CGREF1: variants seen among roughly 807,000 people sequenced by gnomAD.
CGREF1 encodes the protein cell growth regulator with EF hand domain protein 1.
In CGREF1, 16 loss-of-function variants were observed where a neutral mutation model predicts 17.4. That is an observed-to-expected ratio of 0.92 (90% CI 0.62 to 1.40). The LOEUF is 1.40. Among genes scored for constraint, CGREF1 ranks in the 40% most tolerant of loss-of-function variants. CGREF1 has a pLI of 0.00. For synonymous variants in CGREF1, 142 were observed against 154.6 expected (o/e 0.92, Z 0.61); for missense variants, 296 against 376.4 (o/e 0.79, Z 1.77).
At chr2:27,115,797 G>A (rs1671544073) in intron 1 of CGREF1, among the ~76,000 whole-genome samples, 1 of 152,206 alleles carries the variant, frequency 6.6e-6, no homozygotes, top group African/African-American at 2.4e-5. Flanking sequence ...AGTTATTGGA[G>A]TCTCCTAAAA....
chr2:27,112,585 G>A (rs958706917), intron 1 of CGREF1, among the ~76,000 whole-genome samples: 4 of 152,222 alleles, frequency 2.6e-5, no homozygotes, highest in Admixed American at 6.5e-5. Flanking sequence ...CAACAATATC[G>A]TCTTGGGGAT....
intron 4 of CGREF1, 25 bp from the exon 5 acceptor site, chr2:27,102,246 G>C: frequency 6.2e-7 from 1 of 1,611,362 alleles, no homozygotes; most frequent in Non-Finnish European, 8.5e-7. Flanking sequence ...AGCTGGATTA[G>C]AAGAGGTGCC....
At chr2:27,108,441 T>G (rs1341207012) in intron 1 of CGREF1, among the ~76,000 whole-genome samples, 2 of 151,958 alleles carry the variant, frequency 1.3e-5, no homozygotes, top group Admixed American at 1.3e-4. Context: ...ATGGAGAAGA[T>G]AAGAGATACA....
intron 1 of CGREF1, among the ~76,000 whole-genome samples, chr2:27,107,500 A>G (rs898131966): frequency 6.6e-6 from 1 of 151,312 alleles, no homozygotes; most frequent in African/African-American, 2.4e-5. Context: ...TGATCTGCCC[A>G]CCTTGGCCTC....
chr2:27,100,149 G>A (rs1359752732), downstream of CGREF1: 1 of 516,214 alleles, frequency 1.9e-6, no homozygotes, highest in Non-Finnish European at 3.5e-6. Flanking sequence ...GCCCTGGCTG[G>A]GGAGGACACT....
chr2:27,116,923 C>CTTT (rs56355405), intron 1 of CGREF1, among the ~76,000 whole-genome samples: 5 of 53,048 alleles, frequency 9.4e-5, no homozygotes, highest in Admixed American at 2.7e-4. Flanking sequence ...CTCTCTCTCT[C>CTTT]TTTTTTTGAG....
intron 1 of CGREF1, among the ~76,000 whole-genome samples, chr2:27,109,978 G>GA (rs1671295138): frequency 7.1e-6 from 1 of 141,090 alleles, no homozygotes; most frequent in South Asian, 2.4e-4. Context: ...CAAACCAGTA[G>GA]AAAAAAATTA....
At position 27,101,614 on chromosome 2, in the gene CGREF1, T is replaced by TG. The variant is rs1387005004; in HGVS notation, c.616dup (p.Gln206ProfsTer10). The TG allele has an allele frequency of 6.2e-7, 1 of 1,613,992 alleles. No homozygotes were observed. The highest frequency in any genetic ancestry group is 8.5e-7 in the Non-Finnish European group (1 of 1,180,038). ...AGCCTCTGCCTGGCCCCCAGGCTCC[T>TG]GGACAGGATCCAAAGACTCCCTTCT... On this transcript the variant is annotated frameshift_variant, in exon 6 of 6. Coordinates refer to ENST00000402394, the MANE Select transcript of CGREF1 (RefSeq NM_006569.6). LOFTEE classifies it low-confidence loss of function (END_TRUNC).
At chr2:27,111,539 T>C (rs1317394171) in intron 1 of CGREF1, among the ~76,000 whole-genome samples, 1 of 152,168 alleles carries the variant, frequency 6.6e-6, no homozygotes. Flanking sequence ...GGGTGGTCGA[T>C]GGGACAGGGC....
At chr2:27,100,283 G>A, downstream of CGREF1, 1 of 456,618 alleles carries the variant, frequency 2.2e-6, no homozygotes. Flanking sequence ...TGAACTGACA[G>A]GCCAGTGGGG....
At chr2:27,104,190 C>T in intron 2 of CGREF1, 97 bp downstream of exon 2, 7 of 1,259,044 alleles carry the variant, frequency 5.6e-6, no homozygotes, top group Non-Finnish European at 7.6e-6. Context: ...AACCTACACC[C>T]CAGTCTCCTG....
chr2:27,112,678 AC>A (rs1363338940), intron 1 of CGREF1, among the ~76,000 whole-genome samples: 1 of 152,254 alleles, frequency 6.6e-6, no homozygotes, highest in African/African-American at 2.4e-5. Context: ...AATGTAAGCA[AC>A]CTGAATGTCT....
At position 27,100,915 on chromosome 2, in the gene CGREF1, G is replaced by A. The variant is rs1670782604; in HGVS notation, c.*359C>T. 3 of 1,094,018 alleles carry A rather than the reference G, an allele frequency of 2.7e-6. No individual in the cohort carries two copies. The South Asian group carries it at 8.9e-5, about 32-fold the overall frequency. The allele number at this position is 1,094,018 out of a possible 1,614,324, so 67.8% of individuals were successfully genotyped here. On this transcript the variant is annotated 3_prime_UTR_variant, in exon 6 of 6. Coordinates refer to ENST00000402394, the MANE Select transcript of CGREF1 (RefSeq NM_006569.6). ...GGGATAGACTGAGCTTTCCTCACTGGGTCCTCTGCAGCCGGCCATGGCTAG... is the reference window on the plus strand; with the variant it reads ...GGGATAGACTGAGCTTTCCTCACTGAGTCCTCTGCAGCCGGCCATGGCTAG...
At position 27,102,433 on chromosome 2, in the gene CGREF1, G is replaced by C. The variant is rs765715349; in HGVS notation, c.147-3C>G. On this transcript the variant is annotated splice_polypyrimidine_tract_variant and splice_region_variant and intron_variant, in intron 3 of 5. Transcript: ENST00000402394. ...CCTTTAGGTAGCTCTGCAGAAGTCT[G>C]TCAGAAAAGTGGAGAATCAGCCCGG... 3.7e-6 allele frequency: 6 copies of C among 1,613,910 alleles called. No individual in the cohort carries two copies. The highest frequency in any genetic ancestry group is 2.2e-5 in the East Asian group (1 of 44,894).
intron 1 of CGREF1, among the ~76,000 whole-genome samples, chr2:27,104,974 A>G (rs1671061492): frequency 1.3e-5 from 2 of 152,234 alleles, no homozygotes; most frequent in South Asian, 4.1e-4. Context: ...AGGAATTGCT[A>G]TTTGCTAAAT....
downstream of CGREF1, chr2:27,099,496 G>A (rs1670650425): frequency 6.2e-7 from 1 of 1,614,156 alleles, no homozygotes; most frequent in Non-Finnish European, 8.5e-7. Context: ...CCACTCGGAT[G>A]CTTTCCCGCC....
At chr2:27,100,556 G>A (rs113859516), downstream of CGREF1, 4,802 of 1,289,864 alleles carry the variant, frequency 3.7e-3, 164 homozygotes, top group African/African-American at 0.065. Flanking sequence ...ATAATGTAAA[G>A]AGCATATAAT....
rs1670872711 is a variant in CGREF1, at chr2:27,101,824, G to C, written c.407C>G (p.Pro136Arg). ...TCCCGGGAAGTTGATGAGCTCAGCAGGGGTCATGAGCCCATCCCCATTCAG... is the reference window on the plus strand; with the variant it reads ...TCCCGGGAAGTTGATGAGCTCAGCACGGGTCATGAGCCCATCCCCATTCAG... ...QDLNGDGLMT[P>R]AELINFPGVA... is the part of the protein sequence containing the mutation. The change falls in exon 6 of 6, where the codon CCT (proline) becomes CGT (arginine). Residue 136 changes from proline (P) to arginine (R), a missense_variant. Transcript: ENST00000402394. 1 of 1,614,028 alleles carries C rather than the reference G, an allele frequency of 6.2e-7. No individual in the cohort carries two copies. Among genetic ancestry groups the C allele is most frequent in the South Asian group, 1.1e-5 (1 of 91,094 alleles).
chr2:27,099,527 T>G (rs1294371141), downstream of CGREF1: 1 of 1,614,158 alleles, frequency 6.2e-7, no homozygotes, highest in East Asian at 2.2e-5. Flanking sequence ...GTGGATACAC[T>G]GGGAGCTGGA....
Sources: gnomAD v4.1 joint callset for allele counts (sites outside exome capture counted in the v4.1 genomes callset) on GRCh38, gnomAD v4.1.1 for gene constraint, MANE v1.5 for transcripts, NCBI Gene and HGNC (gene_info 2026-07-23, HGNC 2026-07-21) for gene names.